POU6F2: variants seen among roughly 807,000 people sequenced by gnomAD.
The protein encoded by POU6F2 is POU class 6 homeobox 2.
A neutral mutation model predicts 71.3 loss-of-function variants in POU6F2; 31 were observed. That is an observed-to-expected ratio of 0.43 (90% CI 0.33 to 0.59). The LOEUF is 0.59. Among genes scored for constraint, POU6F2 ranks in the 20% least tolerant of loss-of-function variants. The probability of loss-of-function intolerance (pLI) is 0.04; values close to 1 mark genes in which losing one functional copy is unlikely to be tolerated. For synonymous variants in POU6F2, 347 were observed against 355.7 expected (o/e 0.98, Z 0.27); for missense variants, 783 against 856.8 (o/e 0.91, Z 1.07).
At chr7:39,072,470 C>T (rs966540117) in intron 1 of POU6F2, among the ~76,000 whole-genome samples, 1 of 152,156 alleles carries the variant, frequency 6.6e-6, no homozygotes, top group Non-Finnish European at 1.5e-5. Context: ...TTAACAGAGC[C>T]AATTGTTTAT....
chr7:39,286,975 T>C (rs1459499058), intron 4 of POU6F2, among the ~76,000 whole-genome samples: 1 of 151,598 alleles, frequency 6.6e-6, no homozygotes, highest in Non-Finnish European at 1.5e-5. Flanking sequence ...GAGAGGGAGT[T>C]TGTAGTCGAA....
In POU6F2 at chr7:39,299,075, A is replaced by G. The variant is rs570076892; in HGVS notation, c.599-40567A>G. 7.9e-5 allele frequency among the ~76,000 whole-genome samples: 12 copies of G among 152,286 alleles called. No individual in the cohort carries two copies. In the South Asian group the frequency reaches 2.1e-3, roughly 26 times the overall value. ...AATGCATGTGGGACTTAAAACCTAGATGATGGGTTGATAGGTGCAGCAAAC... is the reference window on the plus strand; with the variant it reads ...AATGCATGTGGGACTTAAAACCTAGGTGATGGGTTGATAGGTGCAGCAAAC... On this transcript the variant is annotated intron_variant, in intron 4 of 9. Transcript: ENST00000518318.
At chr7:39,247,848 G>A (rs932115169) in intron 4 of POU6F2, among the ~76,000 whole-genome samples, 1 of 152,168 alleles carries the variant, frequency 6.6e-6, no homozygotes, top group Non-Finnish European at 1.5e-5. Flanking sequence ...TAATAGGTAG[G>A]ACCCCTGTCA....
rs566251738 is a variant in POU6F2, at chr7:39,162,614, A to G, written c.278-41621A>G. ...AGTCCAATGGAGCCATATTCCCCAA[A>G]GTGTGTTCCTTGGTGGTCCACTTCA... On this transcript the variant is annotated intron_variant, in intron 2 of 9. Transcript: ENST00000518318. Among the ~76,000 whole-genome samples the G allele has an allele frequency of 2.4e-4, 36 of 152,262 alleles. 1 individual carries two copies. Among genetic ancestry groups the G allele is most frequent in the South Asian group, 1.7e-3 (8 of 4,822 alleles).
In POU6F2 at chr7:39,037,510, T is replaced by C. The variant is rs180694213; in HGVS notation, c.106-48350T>C. On this transcript the variant is annotated intron_variant, in intron 1 of 9. Coordinates refer to ENST00000518318, the MANE Select transcript of POU6F2 (RefSeq NM_001370959.1). ...TCAGAGATGAAGGTTGTCTTCTTTT[T>C]TGTCTTAATTTTTTTTGAAAAGGCA... Among the ~76,000 whole-genome samples the C allele has an allele frequency of 1.1e-3, 171 of 152,176 alleles. 1 individual carries two copies. Among genetic ancestry groups the C allele is most frequent in the African/African-American group, 3.8e-3 (158 of 41,542 alleles).
At chr7:39,278,644 T>G (rs561838410) in intron 4 of POU6F2, among the ~76,000 whole-genome samples, 7 of 152,214 alleles carry the variant, frequency 4.6e-5, no homozygotes, top group Admixed American at 4.6e-4. Context: ...AGGGCTCTCC[T>G]TTCTGACAGC....
chr7:39,226,736 A>G (rs1035399688), intron 4 of POU6F2, among the ~76,000 whole-genome samples: 6 of 152,114 alleles, frequency 3.9e-5, no homozygotes, highest in African/African-American at 1.2e-4. Context: ...TTTTTATTCC[A>G]ATTTTGTAAA....
At chr7:39,266,801 A>G (rs1335824875) in intron 4 of POU6F2, among the ~76,000 whole-genome samples, 2 of 148,226 alleles carry the variant, frequency 1.3e-5, no homozygotes, top group African/African-American at 5.0e-5. Context: ...AAATCAGGGT[A>G]GTTAGCGTAC....
chr7:39,278,327 C>G (rs1784497205), intron 4 of POU6F2, among the ~76,000 whole-genome samples: 1 of 152,108 alleles, frequency 6.6e-6, no homozygotes, highest in Admixed American at 6.5e-5. Context: ...AAACCAATGG[C>G]ATTGAGCCTG....
At chr7:39,385,987 G>A (rs989597414) in intron 5 of POU6F2, among the ~76,000 whole-genome samples, 7 of 151,886 alleles carry the variant, frequency 4.6e-5, no homozygotes, top group Admixed American at 1.3e-4. Flanking sequence ...GTGTGGTGGC[G>A]GGCGCCTATA....
At chr7:39,015,659 T>G (rs28971636) in intron 1 of POU6F2, among the ~76,000 whole-genome samples, 4 of 111,210 alleles carry the variant, frequency 3.6e-5, no homozygotes, top group Non-Finnish European at 6.6e-5. Context: ...ATATATATTA[T>G]ATATAGATAT....
At chr7:39,404,746 G>A (rs555519508) in intron 5 of POU6F2, 1 of 152,002 alleles carries the variant, frequency 6.6e-6, no homozygotes, top group East Asian at 1.9e-4. Context: ...TGTCTGTACC[G>A]GCAGTTCGGA....
chr7:39,295,242 G>A (rs550624017), intron 4 of POU6F2, among the ~76,000 whole-genome samples: 2 of 152,044 alleles, frequency 1.3e-5, no homozygotes, highest in African/African-American at 4.8e-5. Context: ...GCGTGATTGA[G>A]TTCTGTAAGC....
At chr7:39,454,388 TA>T (rs1181463897) in intron 8 of POU6F2, among the ~76,000 whole-genome samples, 4 of 151,864 alleles carry the variant, frequency 2.6e-5, no homozygotes, top group Non-Finnish European at 5.9e-5. Flanking sequence ...GAGGTGGGGC[TA>T]AAAGCTTCAA....
At chr7:39,189,374 G>GTT (rs1793611532) in intron 2 of POU6F2, among the ~76,000 whole-genome samples, 2 of 90,050 alleles carry the variant, frequency 2.2e-5, no homozygotes, top group African/African-American at 5.2e-5. Flanking sequence ...TTTTTTGTTT[G>GTT]TGTGTTTGTT....
chr7:39,373,249 T>TGAAG (rs1583557913), intron 5 of POU6F2, among the ~76,000 whole-genome samples: 1 of 151,924 alleles, frequency 6.6e-6, no homozygotes, highest in African/African-American at 2.4e-5. Context: ...TGACAGAAGG[T>TGAAG]GAAGGAAGAG....
Position 39,347,724 on chromosome 7 carries a change from C to T in POU6F2, c.972+7709C>T, listed in dbSNP as rs1786057936. Among the ~76,000 whole-genome samples, 2 of 104,256 alleles carry T rather than the reference C, an allele frequency of 1.9e-5. 1 individual carries two copies. The highest frequency in any genetic ancestry group is 4.7e-5 in the Non-Finnish European group (2 of 42,416). The allele number at this position is 104,256 out of a possible 152,430, so 68.4% of individuals were successfully genotyped here. On this transcript the variant is annotated intron_variant, in intron 5 of 9. Coordinates refer to ENST00000518318, the MANE Select transcript of POU6F2 (RefSeq NM_001370959.1). ...ACAGCTCACTGCAGCCTCGACCTCC[C>T]AGGCTCAAGCCATCCTCCTGCCTCA...
At chr7:39,396,033 T>C (rs989166270) in intron 5 of POU6F2, among the ~76,000 whole-genome samples, 4 of 152,210 alleles carry the variant, frequency 2.6e-5, no homozygotes, top group Non-Finnish European at 5.9e-5. Flanking sequence ...GTAGCACTAT[T>C]GTATGTAAGT....
chr7:39,185,038 A>T (rs557216367), intron 2 of POU6F2, among the ~76,000 whole-genome samples: 135 of 152,340 alleles, frequency 8.9e-4, no homozygotes, highest in African/African-American at 3.2e-3. Flanking sequence ...ACATAGATAC[A>T]TATCATTTTA....
Sources: gnomAD v4.1 joint callset for allele counts (sites outside exome capture counted in the v4.1 genomes callset) on GRCh38, gnomAD v4.1.1 for gene constraint, MANE v1.5 for transcripts, NCBI Gene and HGNC (gene_info 2026-07-23, HGNC 2026-07-21) for gene names.